RAP1A: variants seen among roughly 807,000 people sequenced by gnomAD.
The protein encoded by RAP1A is ras-related protein Rap-1A.
A neutral mutation model predicts 26.4 loss-of-function variants in RAP1A; 6 were observed. The ratio of observed to expected loss-of-function variants is 0.23; its 90% CI spans 0.12 to 0.45. The LOEUF (loss-of-function observed/expected upper bound fraction) is 0.45, where lower values mean the gene tolerates loss of function less well. Ranked by LOEUF, RAP1A falls within the 20% of genes least tolerant of loss-of-function variation. RAP1A has a pLI of 0.99. For synonymous variants in RAP1A, 73 were observed against 79.4 expected (o/e 0.92, Z 0.43); for missense variants, 121 against 217.2 (o/e 0.56, Z 2.78).
At position 111,620,084 on chromosome 1, in the gene RAP1A, G is replaced by T. The variant is rs1659141174; in HGVS notation, c.-28+150G>T. ...TCCATCGGTGTCGGGGCGGCGGCCC[G>T]GGGGCCTGGCCGGCGGGAGGGGCCG... On this transcript the variant is annotated intron_variant, in intron 1 of 7. Coordinates refer to ENST00000369709, the MANE Select transcript of RAP1A (RefSeq NM_002884.4). The T allele has an allele frequency of 2.6e-5, 10 of 391,524 alleles. No individual in the cohort carries two copies. The East Asian group carries it at 3.6e-4, about 14-fold the overall frequency. 24.3% of individuals were successfully genotyped at this position (391,524 alleles called of 1,614,324 possible).
intron 1 of RAP1A, among the ~76,000 whole-genome samples, chr1:111,582,432 T>C (rs987409273): frequency 1.3e-5 from 2 of 152,238 alleles, no homozygotes; most frequent in African/African-American, 4.8e-5. Flanking sequence ...TGCCCAGTAC[T>C]ATATTTTTCA....
chr1:111,685,333 C>A (rs562886004), intron 1 of RAP1A, among the ~76,000 whole-genome samples: 2 of 152,168 alleles, frequency 1.3e-5, no homozygotes, highest in South Asian at 4.1e-4. Context: ...GCAGAGCGAA[C>A]AGGCAACCTA....
chr1:111,578,971 A>G (rs1281399256), intron 1 of RAP1A, among the ~76,000 whole-genome samples: 1 of 152,164 alleles, frequency 6.6e-6, no homozygotes, highest in Non-Finnish European at 1.5e-5. Flanking sequence ...TTTAGTACAA[A>G]CGATATTACA....
chr1:111,691,133 CT>C (rs1464172460), intron 1 of RAP1A, among the ~76,000 whole-genome samples, 200 bp from the exon 2 acceptor site: 1 of 152,168 alleles, frequency 6.6e-6, no homozygotes, highest in Non-Finnish European at 1.5e-5. Flanking sequence ...CAAAGATGAT[CT>C]TCGGTGAATT....
rs1662485428 is a variant in RAP1A at position 111,714,720 on chromosome 1, T to C, written c.*2319T>C. On this transcript the variant is annotated 3_prime_UTR_variant, in exon 8 of 8. Transcript: ENST00000369709. ...AAAAGTATCCTGTTAGAAAGTGAGA[T>C]AGGTGTGTTTTTATATTGTCCTAAT... 1 of 152,206 alleles carries C rather than the reference T, an allele frequency of 6.6e-6. No homozygotes were observed. Among genetic ancestry groups the C allele is most frequent in the South Asian group, 2.1e-4 (1 of 4,828 alleles). The allele number at this position is 152,206 out of a possible 1,614,324, so 9.4% of individuals were successfully genotyped here.
intron 1 of RAP1A, among the ~76,000 whole-genome samples, chr1:111,688,265 C>CTT (rs1661552764): frequency 7.4e-6 from 1 of 135,414 alleles, no homozygotes; most frequent in South Asian, 2.3e-4. Flanking sequence ...CACAAGAAGT[C>CTT]TGTGTGTGTG....
chr1:111,633,558 A>G (rs926287332), intron 1 of RAP1A, among the ~76,000 whole-genome samples: 3 of 152,320 alleles, frequency 2.0e-5, no homozygotes, highest in Middle Eastern at 3.4e-3. Flanking sequence ...TTTTCGTTCA[A>G]CTGGTAAGAA....
chr1:111,705,271 C>T (rs571673412), intron 6 of RAP1A, among the ~76,000 whole-genome samples: 16 of 152,286 alleles, frequency 1.1e-4, no homozygotes, highest in Non-Finnish European at 2.2e-4. Context: ...CCTGCCGTTG[C>T]TTTTGCCATT....
upstream of RAP1A, among the ~76,000 whole-genome samples, chr1:111,616,041 C>T (rs374269539): frequency 6.6e-6 from 1 of 152,100 alleles, no homozygotes; most frequent in African/African-American, 2.4e-5. Flanking sequence ...TTCGGTTTGG[C>T]AGCTGAGTGA....
chr1:111,577,190 G>A (rs1159701903), intron 1 of RAP1A, among the ~76,000 whole-genome samples: 2 of 151,920 alleles, frequency 1.3e-5, no homozygotes, highest in Admixed American at 1.3e-4. Flanking sequence ...ATCACCGGAG[G>A]TTAGGAATTT....
chr1:111,583,618 T>A (rs1222751227), intron 1 of RAP1A, among the ~76,000 whole-genome samples: 1 of 152,096 alleles, frequency 6.6e-6, no homozygotes, highest in Non-Finnish European at 1.5e-5. Context: ...GATTAATGCA[T>A]AAAATTGTTT....
At chr1:111,555,908 A>T (rs1657470293) in intron 1 of RAP1A, among the ~76,000 whole-genome samples, 1 of 152,226 alleles carries the variant, frequency 6.6e-6, no homozygotes, top group Non-Finnish European at 1.5e-5. Flanking sequence ...AAAAAAATCG[A>T]TAAATTGAAC....
chr1:111,605,978 G>T (rs1376174525), intron 1 of RAP1A, among the ~76,000 whole-genome samples: 2 of 152,212 alleles, frequency 1.3e-5, no homozygotes, highest in African/African-American at 4.8e-5. Context: ...TCCTCTGTAA[G>T]GATGTCACTG....
At chr1:111,680,294 G>A (rs565866158) in intron 1 of RAP1A, among the ~76,000 whole-genome samples, 1 of 152,314 alleles carries the variant, frequency 6.6e-6, no homozygotes, top group African/African-American at 2.4e-5. Flanking sequence ...GGGGACCCAA[G>A]CGGGTTGCGA....
intron 1 of RAP1A, among the ~76,000 whole-genome samples, chr1:111,559,128 G>T (rs1364679334): frequency 6.6e-6 from 1 of 152,116 alleles, no homozygotes; most frequent in African/African-American, 2.4e-5. Context: ...AGGACTAAGT[G>T]ATAAATAATA....
At chr1:111,578,355 A>G (rs997394196) in intron 1 of RAP1A, among the ~76,000 whole-genome samples, 10 of 152,084 alleles carry the variant, frequency 6.6e-5, no homozygotes, top group African/African-American at 2.4e-4. Context: ...ATCAAGGTCA[A>G]CTCACAGAGG....
At chr1:111,671,751 GGCA>G (rs1299420686) in intron 1 of RAP1A, among the ~76,000 whole-genome samples, 1 of 152,202 alleles carries the variant, frequency 6.6e-6, no homozygotes, top group Non-Finnish European at 1.5e-5. Context: ...TGGGATTACA[GGCA>G]TGAGCCACTA....
chr1:111,631,816 C>T (rs1182789111), intron 1 of RAP1A, among the ~76,000 whole-genome samples: 14 of 151,512 alleles, frequency 9.2e-5, no homozygotes, highest in Admixed American at 9.2e-4. Context: ...GGTGAAAATC[C>T]TGAGGAGAGA....
chr1:111,545,797 A>G (rs965397758), intron 1 of RAP1A, among the ~76,000 whole-genome samples: 2 of 152,114 alleles, frequency 1.3e-5, no homozygotes, highest in African/African-American at 4.8e-5. Context: ...TAATTTTTGT[A>G]TACAGTGTAA....
Sources: allele counts gnomAD v4.1 joint callset (sites outside exome capture counted in the v4.1 genomes callset), GRCh38; gene constraint gnomAD v4.1.1; transcripts MANE v1.5; gene names NCBI Gene and HGNC (gene_info 2026-07-23, HGNC 2026-07-21).